CFAP43: variants seen among roughly 807,000 people sequenced by gnomAD.
The protein encoded by CFAP43 is cilia- and flagella-associated protein 43.
Under a neutral mutation model 218.9 loss-of-function variants are expected in CFAP43, and 155 were observed. The observed-to-expected ratio is 0.71, with a 90% CI of 0.62 to 0.81. The LOEUF (loss-of-function observed/expected upper bound fraction) is 0.81, where lower values mean the gene tolerates loss of function less well. CFAP43 is among the 30% of genes least tolerant of loss of function. The pLI is 0.00. For missense variants in CFAP43, 1,778 were observed against 1,954.3 expected (o/e 0.91, Z 1.70); for synonymous variants, 645 against 681.3 (o/e 0.95, Z 0.83).
chr10:104,209,381 C>CT, intron 5 of CFAP43, among the ~76,000 whole-genome samples: 2 of 152,232 alleles, frequency 1.3e-5, no homozygotes, highest in South Asian at 4.1e-4. Context: ...TTAAAATACA[C>CT]TGAGTGCACA....
At chr10:104,157,773 TGTGAGAGA>T (rs1434394338) in intron 27 of CFAP43, among the ~76,000 whole-genome samples, 49 of 98,128 alleles carry the variant, frequency 5.0e-4, no homozygotes, top group African/African-American at 1.6e-3. Context: ...TGTGTGTGTG[TGTGAGAGA>T]GAGAGAGAGA....
intron 8 of CFAP43, among the ~76,000 whole-genome samples, chr10:104,201,882 T>C (rs1296668441): frequency 6.6e-6 from 1 of 152,158 alleles, no homozygotes. Context: ...AGCTTTGGAG[T>C]GTCTAAAATG....
intron 19 of CFAP43, among the ~76,000 whole-genome samples, chr10:104,172,805 T>A (rs1364458390): frequency 6.6e-6 from 1 of 152,140 alleles, no homozygotes; most frequent in Non-Finnish European, 1.5e-5. Context: ...CTGTTGCTAG[T>A]TTGAGGTACA....
chr10:104,183,325 G>A (rs1281677628), intron 16 of CFAP43, among the ~76,000 whole-genome samples: 1 of 151,392 alleles, frequency 6.6e-6, no homozygotes, highest in Non-Finnish European at 1.5e-5. Flanking sequence ...CATTGTAACA[G>A]ATGATTTAGA....
At chr10:104,203,619 T>C in intron 8 of CFAP43, 53 bp downstream of exon 8, 1 of 1,521,496 alleles carries the variant, frequency 6.6e-7, no homozygotes, top group Non-Finnish European at 8.9e-7. Context: ...CATGTAATGA[T>C]GATAATAATA....
chr10:104,164,484 G>A (rs779652097), intron 23 of CFAP43, among the ~76,000 whole-genome samples, 184 bp from the exon 24 acceptor site: 142 of 150,516 alleles, frequency 9.4e-4, no homozygotes, highest in Non-Finnish European at 1.4e-3. Context: ...CGCAAGCTCC[G>A]CCTCCCGGGT....
At position 104,157,775 on chromosome 10, in the gene CFAP43, T is replaced by TGAGAGA. The variant is rs139314213; in HGVS notation, c.3540+3256_3540+3261dup. On this transcript the variant is annotated intron_variant, in intron 27 of 37. Coordinates refer to ENST00000357060, the MANE Select transcript of CFAP43 (RefSeq NM_025145.7). ...GTGTGTGTGTGTGTGTGTGTGTGTG[T>TGAGAGA]GAGAGAGAGAGAGAGAGAGAGAGAG... Among the ~76,000 whole-genome samples, 140 of 90,152 alleles carry TGAGAGA rather than the reference T, an allele frequency of 1.6e-3. 1 individual carries two copies. The highest frequency in any genetic ancestry group is 3.5e-3 in the African/African-American group (71 of 20,014). 59.1% of individuals were successfully genotyped at this position (90,152 alleles called of 152,430 possible). A position where few individuals can be genotyped will look rare whatever the true frequency, so the allele number is the denominator to read the frequency against.
intron 8 of CFAP43, among the ~76,000 whole-genome samples, chr10:104,201,653 C>T (rs964271065): frequency 6.7e-6 from 1 of 148,944 alleles, no homozygotes; most frequent in African/African-American, 2.5e-5. Flanking sequence ...GATTTTAGTT[C>T]AATATTATTT....
chr10:104,217,383 T>C (rs1239175557), intron 3 of CFAP43, among the ~76,000 whole-genome samples: 1 of 152,150 alleles, frequency 6.6e-6, no homozygotes, highest in Non-Finnish European at 1.5e-5. Flanking sequence ...ATCATTACTT[T>C]AGTGTTCCAG....
intron 22 of CFAP43, among the ~76,000 whole-genome samples, chr10:104,167,352 A>G (rs670283): frequency 0.17 from 26,451 of 152,238 alleles, 7,651 homozygotes; most frequent in African/African-American, 0.6. Context: ...TCTGTGCAGG[A>G]TAAGAGCAGA....
rs111361173 is a variant in CFAP43 at position 104,205,686 on chromosome 10, G to C, written c.963+277C>G. Among the ~76,000 whole-genome samples the C allele has an allele frequency of 7.6e-3, 1,150 of 152,204 alleles. 7 individuals carry two copies. The highest frequency in any genetic ancestry group is 0.012 in the Non-Finnish European group (814 of 67,986). ...GCATGGAATTGGGTTACAGATATTA[G>C]GTATTTTTTCATTGCGGAAGGGCAA... On this transcript the variant is annotated intron_variant, in intron 7 of 37. Coordinates refer to ENST00000357060, the MANE Select transcript of CFAP43 (RefSeq NM_025145.7).
At chr10:104,172,242 C>T (rs1197186436) in intron 20 of CFAP43, among the ~76,000 whole-genome samples, 168 bp downstream of exon 20, 3 of 152,140 alleles carry the variant, frequency 2.0e-5, no homozygotes, top group Non-Finnish European at 2.9e-5. Flanking sequence ...CCCCCAAATT[C>T]GATGATCCTC....
rs2089173428 is a variant in CFAP43, at chr10:104,166,689, A to G, written c.2838T>C (p.Ser946=). ...KLRKEIVEAQ[S]GVKLIKQRHE... is the part of the protein sequence containing the mutation. ...GACGCTGTTTAATCAACTTAACTCC[A>G]GACTGAGCCTCTACAATTTCCTTCC... is the stretch of plus-strand genomic sequence containing the variant. The change falls in exon 23 of 38, where the codon TCT becomes TCC. Residue 946 remains serine, a synonymous_variant. Transcript: ENST00000357060. 13 of 1,612,176 alleles carry G rather than the reference A, an allele frequency of 8.1e-6. No homozygotes were observed. Among genetic ancestry groups the G allele is most frequent in the Non-Finnish European group, 1.1e-5 (13 of 1,179,348 alleles).
intron 5 of CFAP43, among the ~76,000 whole-genome samples, chr10:104,208,161 T>C (rs2090753100): frequency 2.0e-5 from 3 of 152,322 alleles, no homozygotes; most frequent in East Asian, 3.9e-4. Context: ...TGGTGTCTGA[T>C]TGAGATTTGA....
chr10:104,165,876 A>G (rs1326642318), intron 23 of CFAP43, among the ~76,000 whole-genome samples: 1 of 152,192 alleles, frequency 6.6e-6, no homozygotes, highest in Non-Finnish European at 1.5e-5. Flanking sequence ...ACGGAATTCT[A>G]GTGTTTTCTT....
At chr10:104,225,603 T>C (rs1342628326) in intron 2 of CFAP43, 46 bp from the exon 3 acceptor site, 3 of 1,489,090 alleles carry the variant, frequency 2.0e-6, no homozygotes, top group African/African-American at 2.8e-5. Flanking sequence ...GTTAAGACCA[T>C]GTTCAGTTAA....
Position 104,199,562 on chromosome 10 carries a change from T to C in CFAP43, c.1096-1524A>G, listed in dbSNP as rs147818890. ...GCTGGGAGATTCAGACAATAAATAA[T>C]ATAACCAAATAAAATATACTGTAAG... On this transcript the variant is annotated intron_variant, in intron 8 of 37. Coordinates refer to ENST00000357060, the MANE Select transcript of CFAP43 (RefSeq NM_025145.7). 4.1e-4 allele frequency among the ~76,000 whole-genome samples: 63 copies of C among 152,128 alleles called. 1 individual carries two copies. In the East Asian group the frequency reaches 0.011, roughly 26 times the overall value.
chr10:104,140,154 G>A (rs754151057), intron 34 of CFAP43, among the ~76,000 whole-genome samples: 14 of 152,100 alleles, frequency 9.2e-5, no homozygotes, highest in Non-Finnish European at 1.8e-4. Flanking sequence ...TATACCTAAA[G>A]CTTATACAGA....
At chr10:104,155,300 T>A (rs2088483567) in intron 27 of CFAP43, among the ~76,000 whole-genome samples, 2 of 152,142 alleles carry the variant, frequency 1.3e-5, no homozygotes, top group Admixed American at 6.5e-5. Context: ...CCAGAGAAGG[T>A]CTCAGGTGTA....
Sources: allele counts gnomAD v4.1 joint callset (sites outside exome capture counted in the v4.1 genomes callset), GRCh38; gene constraint gnomAD v4.1.1; transcripts MANE v1.5; gene names NCBI Gene and HGNC (gene_info 2026-07-23, HGNC 2026-07-21).